Variants in LRRC1 observed in about 807,000 individuals in gnomAD.
LRRC1 encodes leucine-rich repeat-containing protein 1.
A neutral mutation model predicts 69.9 loss-of-function variants in LRRC1; 28 were observed. The ratio of observed to expected loss-of-function variants is 0.40; its 90% CI spans 0.30 to 0.55. The LOEUF (loss-of-function observed/expected upper bound fraction) is 0.55, where lower values mean the gene tolerates loss of function less well. LRRC1 is among the 20% of genes least tolerant of loss of function. LRRC1 has a pLI of 0.47. For synonymous variants in LRRC1, 236 were observed against 240.2 expected (o/e 0.98, Z 0.16); for missense variants, 498 against 609.0 (o/e 0.82, Z 1.92).
intron 2 of LRRC1, among the ~76,000 whole-genome samples, chr6:53,863,204 A>T (rs1766587647): frequency 6.6e-6 from 1 of 152,150 alleles, no homozygotes; most frequent in Non-Finnish European, 1.5e-5. Flanking sequence ...CATGGTTTTC[A>T]TACATAATAG....
At chr6:53,920,509 C>A (rs1319846567) in intron 12 of LRRC1, 116 bp from the exon 13 acceptor site, 3 of 1,061,378 alleles carry the variant, frequency 2.8e-6, no homozygotes, top group African/African-American at 3.2e-5. Flanking sequence ...CCCCTTATTT[C>A]TGGTGTTCTA....
intron 9 of LRRC1, among the ~76,000 whole-genome samples, chr6:53,903,956 A>G (rs989677526): frequency 1.3e-5 from 2 of 152,142 alleles, no homozygotes; most frequent in African/African-American, 2.4e-5. Flanking sequence ...TTCCCTGCCC[A>G]TGCGGCACCC....
At chr6:53,887,869 G>C (rs1767540300) in intron 4 of LRRC1, among the ~76,000 whole-genome samples, 1 of 152,148 alleles carries the variant, frequency 6.6e-6, no homozygotes, top group Non-Finnish European at 1.5e-5. Context: ...GCATGCAGTG[G>C]GGTCTTACTG....
intron 1 of LRRC1, among the ~76,000 whole-genome samples, chr6:53,828,857 A>C (rs4380749): frequency 0.19 from 28,999 of 152,188 alleles, 3,000 homozygotes; most frequent in Middle Eastern, 0.33. Context: ...ACTTAGCCTC[A>C]TCCTACCAGT....
intron 1 of LRRC1, among the ~76,000 whole-genome samples, chr6:53,810,500 G>A (rs1275926814): frequency 1.3e-5 from 2 of 151,956 alleles, no homozygotes; most frequent in African/African-American, 4.8e-5. Context: ...GGCACCTGTA[G>A]TCCCAGCTAC....
intron 1 of LRRC1, among the ~76,000 whole-genome samples, chr6:53,819,260 G>T (rs1031262257): frequency 2.0e-5 from 3 of 152,070 alleles, no homozygotes; most frequent in Non-Finnish European, 4.4e-5. Context: ...TCTTTTCTGG[G>T]TTTACATCCT....
intron 10 of LRRC1, among the ~76,000 whole-genome samples, chr6:53,912,485 ATCTAAAAGCCTT>A (rs1232923404): frequency 6.6e-6 from 1 of 152,210 alleles, no homozygotes; most frequent in Admixed American, 6.5e-5. Flanking sequence ...AAAGGGAGTA[ATCTAAAAGCCTT>A]TCTACATATC....
At chr6:53,904,598 A>G (rs950531510) in intron 10 of LRRC1, 136 bp downstream of exon 10, 1 of 531,734 alleles carries the variant, frequency 1.9e-6, no homozygotes, top group Non-Finnish European at 3.3e-6. Flanking sequence ...ATCTGTGAGT[A>G]TAGAGCCAAC....
At chr6:53,828,348 G>A (rs1238152464) in intron 1 of LRRC1, among the ~76,000 whole-genome samples, 1 of 152,220 alleles carries the variant, frequency 6.6e-6, no homozygotes, top group African/African-American at 2.4e-5. Context: ...GGACCTGGGA[G>A]CCCTGTCACA....
chr6:53,815,532 A>G (rs961758197), intron 1 of LRRC1, among the ~76,000 whole-genome samples: 1 of 152,224 alleles, frequency 6.6e-6, no homozygotes, highest in Non-Finnish European at 1.5e-5. Context: ...CTGAGGAACT[A>G]GTACCCAAAG....
intron 2 of LRRC1, among the ~76,000 whole-genome samples, chr6:53,849,061 CTT>C (rs569737865): frequency 1.7e-3 from 220 of 130,580 alleles, no homozygotes; most frequent in Middle Eastern, 4.1e-3. Context: ...CCGGCCTATG[CTT>C]TTTTTTTTTT....
At chr6:53,880,974 A>T (rs536194169) in intron 3 of LRRC1, among the ~76,000 whole-genome samples, 1 of 151,634 alleles carries the variant, frequency 6.6e-6, no homozygotes, top group South Asian at 2.1e-4. Flanking sequence ...TATTTCTTTG[A>T]TTTTCCTTTT....
chr6:53,873,896 T>C (rs1480630256), intron 2 of LRRC1, among the ~76,000 whole-genome samples: 1 of 152,234 alleles, frequency 6.6e-6, no homozygotes. Context: ...AAGTGGCCTT[T>C]ATTGTGCTGA....
At chr6:53,799,214 C>A (rs1764395127) in intron 1 of LRRC1, among the ~76,000 whole-genome samples, 1 of 152,242 alleles carries the variant, frequency 6.6e-6, no homozygotes, top group African/African-American at 2.4e-5. Flanking sequence ...TGCCTGCCCC[C>A]TACATCATTC....
chr6:53,861,146 G>T (rs1766499143), intron 2 of LRRC1, among the ~76,000 whole-genome samples: 1 of 151,836 alleles, frequency 6.6e-6, no homozygotes, highest in African/African-American at 2.4e-5. Flanking sequence ...TAACAAATTT[G>T]CATGTGTACC....
intron 2 of LRRC1, among the ~76,000 whole-genome samples, chr6:53,847,654 G>C (rs1049420107): frequency 6.6e-6 from 1 of 152,180 alleles, no homozygotes; most frequent in Non-Finnish European, 1.5e-5. Flanking sequence ...TCTTCTAGAG[G>C]CTGGACTTTG....
intron 1 of LRRC1, among the ~76,000 whole-genome samples, chr6:53,805,489 A>G (rs1396646052): frequency 6.6e-6 from 1 of 152,186 alleles, no homozygotes; most frequent in Non-Finnish European, 1.5e-5. Flanking sequence ...AGTCTCTTCT[A>G]CTGAAGTCTC....
Position 53,922,757 on chromosome 6 carries a change from C to G in LRRC1, c.1539C>G (p.Val513=), listed in dbSNP as rs1562077603. 3.7e-6 allele frequency: 6 copies of G among 1,614,016 alleles called. No homozygotes were observed. The highest frequency in any genetic ancestry group is 5.1e-6 in the Non-Finnish European group (6 of 1,179,950). The change falls in exon 14 of 14, where the codon GTC becomes GTG. Residue 513 remains valine (V), a synonymous_variant. Coordinates refer to ENST00000370888, the MANE Select transcript of LRRC1 (RefSeq NM_018214.5). ...GACTGGACTCAAACAAAAACGAGGT[C>G]AATCATGCCATTGACCGAGTGACCA... ...AKGLDSNKNE[V]NHAIDRVTTS...
chr6:53,907,111 A>G (rs1768266771), intron 10 of LRRC1, among the ~76,000 whole-genome samples: 1 of 152,234 alleles, frequency 6.6e-6, no homozygotes, highest in Non-Finnish European at 1.5e-5. Context: ...TGAGTGTGGT[A>G]GGCCCTGTGA....
Sources: gnomAD v4.1 joint callset for allele counts (sites outside exome capture counted in the v4.1 genomes callset) on GRCh38, gnomAD v4.1.1 for gene constraint, MANE v1.5 for transcripts, NCBI Gene and HGNC (gene_info 2026-07-23, HGNC 2026-07-21) for gene names.